GSTCD: variants seen among roughly 807,000 people sequenced by gnomAD.
The protein encoded by GSTCD is glutathione S-transferase C-terminal domain-containing protein.
In GSTCD, 44 loss-of-function variants were observed where a neutral mutation model predicts 68.3. That is an observed-to-expected ratio of 0.64 (90% CI 0.51 to 0.83). The LOEUF is 0.83. GSTCD is among the 40% of genes least tolerant of loss of function. The pLI is 0.00. For synonymous variants in GSTCD, 273 were observed against 255.2 expected, an observed-to-expected ratio of 1.07 and a Z score of -0.67; for missense variants, 739 against 735.9, an observed-to-expected ratio of 1.00 and a Z score of -0.05.
intron 5 of GSTCD, among the ~76,000 whole-genome samples, 190 bp from the exon 6 acceptor site, chr4:105,822,764 G>A (rs776946120): frequency 2.6e-5 from 4 of 151,896 alleles, no homozygotes; most frequent in Non-Finnish European, 5.9e-5. Flanking sequence ...AGTTCATCTC[G>A]GGTTCTAGTC....
chr4:105,708,933 T>C lies in GSTCD; in HGVS notation c.-105T>C, dbSNP rs1456531038. 3.3e-5 allele frequency: 5 copies of C among 152,682 alleles called. No homozygotes were observed. The highest frequency in any genetic ancestry group is 1.5e-5 in the Non-Finnish European group (1 of 68,156). 9.5% of individuals were successfully genotyped at this position (152,682 alleles called of 1,614,324 possible). ...CCAGAGGCAGCCTTGGAATTCCAGC[T>C]CGGACTGGGCGGGAAGGCGCAGGCG... On this transcript the variant is annotated 5_prime_UTR_variant, in exon 1 of 12. Coordinates refer to ENST00000515279, the MANE Select transcript of GSTCD (RefSeq NM_001370181.1).
intron 5 of GSTCD, among the ~76,000 whole-genome samples, chr4:105,770,781 A>G (rs946963617): frequency 2.6e-5 from 4 of 152,088 alleles, no homozygotes; most frequent in Non-Finnish European, 4.4e-5. Flanking sequence ...ATTGATGGCC[A>G]TTTGGGTTGG....
At position 105,712,800 on chromosome 4, in the gene GSTCD, G is replaced by T. The variant is rs77811395; in HGVS notation, c.-22+3784G>T. On this transcript the variant is annotated intron_variant, in intron 1 of 11. Transcript: ENST00000515279. ...TTGAGTTTTTGGCCTAAGCATCTGG[G>T]TAATTGGTGTTGCCATTTTACCAGG... Among the ~76,000 whole-genome samples the T allele has an allele frequency of 3.2e-3, 493 of 152,246 alleles. 10 individuals are homozygous for T. Among genetic ancestry groups the T allele is most frequent in the East Asian group, 1.9e-3 (10 of 5,184 alleles).
At chr4:105,824,610 T>C (rs1326911294) in intron 7 of GSTCD, among the ~76,000 whole-genome samples, 1 of 152,210 alleles carries the variant, frequency 6.6e-6, no homozygotes, top group Admixed American at 6.5e-5. Context: ...TCAAACCATC[T>C]TCTCTGCCTA....
At chr4:105,841,310 C>T (rs1724328227) in intron 10 of GSTCD, among the ~76,000 whole-genome samples, 1 of 148,558 alleles carries the variant, frequency 6.7e-6, no homozygotes, top group South Asian at 2.1e-4. Flanking sequence ...GACAACAGAG[C>T]AAAACTCCGT....
chr4:105,738,385 A>G (rs150475453), intron 5 of GSTCD, among the ~76,000 whole-genome samples: 3 of 152,292 alleles, frequency 2.0e-5, no homozygotes, highest in African/African-American at 7.2e-5. Flanking sequence ...TTCTGTGGTT[A>G]TACATGAATT....
At chr4:105,783,338 G>T (rs988563354) in intron 5 of GSTCD, among the ~76,000 whole-genome samples, 9 of 152,060 alleles carry the variant, frequency 5.9e-5, no homozygotes, top group African/African-American at 2.2e-4. Context: ...TAGCAGGTTG[G>T]TATATTATAC....
At chr4:105,711,854 T>C (rs946666813) in intron 1 of GSTCD, among the ~76,000 whole-genome samples, 1 of 152,238 alleles carries the variant, frequency 6.6e-6, no homozygotes, top group Non-Finnish European at 1.5e-5. Flanking sequence ...GATTCTTAGT[T>C]CCTTTGCCCT....
intron 5 of GSTCD, among the ~76,000 whole-genome samples, chr4:105,817,047 T>C (rs1184016547): frequency 2.6e-5 from 4 of 151,936 alleles, no homozygotes; most frequent in African/African-American, 9.7e-5. Flanking sequence ...GAAACATATA[T>C]GGATTTTTGT....
intron 5 of GSTCD, among the ~76,000 whole-genome samples, chr4:105,732,189 G>T (rs1443195145): frequency 1.3e-5 from 2 of 152,196 alleles, no homozygotes; most frequent in Non-Finnish European, 2.9e-5. Flanking sequence ...TTGGTATCAG[G>T]ATGATGCTGG....
chr4:105,811,762 A>G (rs1303884454), intron 5 of GSTCD, among the ~76,000 whole-genome samples: 1 of 152,174 alleles, frequency 6.6e-6, no homozygotes, highest in Non-Finnish European at 1.5e-5. Context: ...AATAGCATGA[A>G]CACATTTGCA....
chr4:105,835,881 G>C (rs1473528489), intron 9 of GSTCD, among the ~76,000 whole-genome samples: 1 of 152,170 alleles, frequency 6.6e-6, no homozygotes, highest in Non-Finnish European at 1.5e-5. Flanking sequence ...TCCACAGACA[G>C]TCATCCCAAT....
In GSTCD at chr4:105,837,434, G is replaced by C. The variant is rs539978488; in HGVS notation, c.1665-425G>C. Among the ~76,000 whole-genome samples, 16 of 152,242 alleles carry C rather than the reference G, an allele frequency of 1.1e-4. No individual in the cohort carries two copies. In the South Asian group the frequency reaches 3.3e-3, roughly 32 times the overall value. ...TGGAAACCGCCTCCTGACCTATACTGGTGTTTCCCCATGTGGCCCTTCATC... is the reference window on the plus strand; with the variant it reads ...TGGAAACCGCCTCCTGACCTATACTCGTGTTTCCCCATGTGGCCCTTCATC... On this transcript the variant is annotated intron_variant, in intron 9 of 11. Transcript: ENST00000515279.
chr4:105,777,080 T>G (rs1261737668), intron 5 of GSTCD, among the ~76,000 whole-genome samples: 1 of 152,236 alleles, frequency 6.6e-6, no homozygotes, highest in Non-Finnish European at 1.5e-5. Context: ...GTTAATAACT[T>G]TCTTCATGCA....
intron 5 of GSTCD, among the ~76,000 whole-genome samples, chr4:105,780,987 A>C (rs2149249379): frequency 6.6e-6 from 1 of 152,298 alleles, no homozygotes; most frequent in South Asian, 2.1e-4. Flanking sequence ...GGTGTATCCT[A>C]GCTACTTAAT....
intron 5 of GSTCD, chr4:105,753,116 A>C (rs1219665353): frequency 6.6e-6 from 1 of 152,036 alleles, no homozygotes; most frequent in Non-Finnish European, 1.5e-5. Context: ...TTGATCACAA[A>C]TCCTGGATAC....
intron 5 of GSTCD, among the ~76,000 whole-genome samples, chr4:105,768,038 A>AT (rs753624063): frequency 0.014 from 1,943 of 135,794 alleles, 20 homozygotes; most frequent in Non-Finnish European, 0.024. Context: ...TAAAAAAAAA[A>AT]TTTTTTTTTT....
At chr4:105,799,943 A>C (rs1736043112) in intron 5 of GSTCD, among the ~76,000 whole-genome samples, 1 of 152,186 alleles carries the variant, frequency 6.6e-6, no homozygotes, top group African/African-American at 2.4e-5. Context: ...GACACAAAGA[A>C]GGGAACAGTA....
chr4:105,785,248 A>G (rs1249810592), intron 5 of GSTCD, among the ~76,000 whole-genome samples: 1 of 152,240 alleles, frequency 6.6e-6, no homozygotes, highest in African/African-American at 2.4e-5. Context: ...AAAACAAACT[A>G]ATATAAAGTC....
Sources: allele counts gnomAD v4.1 joint callset (sites outside exome capture counted in the v4.1 genomes callset), GRCh38; gene constraint gnomAD v4.1.1; transcripts MANE v1.5; gene names NCBI Gene and HGNC (gene_info 2026-07-23, HGNC 2026-07-21).